COL6A1: variants seen among roughly 807,000 people sequenced by gnomAD.
COL6A1 encodes collagen type VI alpha 1 chain.
COL6A1 carries 80 observed loss-of-function variants against 145.6 expected under a neutral mutation model. The observed-to-expected ratio is 0.55, with a 90% CI of 0.46 to 0.66. The LOEUF is 0.66. Ranked by LOEUF, COL6A1 falls within the 30% of genes least tolerant of loss-of-function variation. COL6A1 has a pLI of 0.00. For synonymous variants in COL6A1, 638 were observed against 622.8 expected (o/e 1.02, Z -0.36); for missense variants, 1,364 against 1,473.8 (o/e 0.93, Z 1.22).
chr21:45,992,609 C>T, intron 18 of COL6A1, 139 bp from the exon 19 acceptor site: 12 of 1,060,758 alleles, frequency 1.1e-5, no homozygotes, highest in Non-Finnish European at 1.7e-5. Context: ...CCTCTGCAAC[C>T]GTGGGGCATG....
In COL6A1 at chr21:45,994,104, G is replaced by C; in HGVS notation, c.1336-63G>C. Reference sequence around the variant, plus strand: ...GACAGCATGCTGTGGCTCCCAGCGTGCCCGGGCAGCCATCCTCCCCAAGGA... The same window carrying C: ...GACAGCATGCTGTGGCTCCCAGCGTCCCCGGGCAGCCATCCTCCCCAAGGA... On this transcript the variant is annotated intron_variant, in intron 19 of 34. Transcript: ENST00000361866. This position sits in a 1 kb window ranked among gnomAD's most constrained non-coding sequence, Gnocchi z 6.8. 12 of 1,507,726 alleles carry C rather than the reference G, an allele frequency of 8.0e-6. No homozygotes were observed. The highest frequency in any genetic ancestry group is 1.1e-5 in the Non-Finnish European group (12 of 1,105,018). The allele number at this position is 1,507,726 out of a possible 1,614,324, so 93.4% of individuals were successfully genotyped here. A position where few individuals can be genotyped will look rare whatever the true frequency, so the allele number is the denominator to read the frequency against.
chr21:45,999,316 C>A, intron 26 of COL6A1, 98 bp downstream of exon 26: 1 of 1,244,846 alleles, frequency 8.0e-7, no homozygotes, highest in East Asian at 2.5e-5. Flanking sequence ...GAGTGGGAGG[C>A]GGCGGGAGGG....
Position 45,998,433 on chromosome 21 carries a change from C to T in COL6A1, c.1611C>T (p.Asn537=), listed in dbSNP as rs200023632. The change falls in exon 24 of 35, where the codon AAC becomes AAT. Residue 537 remains asparagine (N), a splice_region_variant and synonymous_variant. Transcript: ENST00000361866. ...YPGNRGAPGI[N]GTKGYPGLKG... ...GCAACAGGGGCGCTCCCGGGATAAA[C>T]GTGAGTACGCCCCCTCCTCCATCTG... 247 of 1,613,156 alleles carry T rather than the reference C, an allele frequency of 1.5e-4. No homozygotes were observed. Among genetic ancestry groups the T allele is most frequent in the Non-Finnish European group, 3.6e-5 (43 of 1,179,994 alleles).
intron 16 of COL6A1, 27 bp downstream of exon 16, chr21:45,992,099 T>C: frequency 1.2e-6 from 2 of 1,613,380 alleles, no homozygotes; most frequent in Non-Finnish European, 1.7e-6. Context: ...CCCCCACACA[T>C]GCCAGGTATG....
chr21:45,982,713 G>A lies in COL6A1; in HGVS notation c.177G>A (p.Val59=). 1 of 1,612,802 alleles carries A rather than the reference G, an allele frequency of 6.2e-7. No homozygotes were observed. The highest frequency in any genetic ancestry group is 8.5e-7 in the Non-Finnish European group (1 of 1,179,968). The change falls in exon 2 of 35, where the codon GTG becomes GTA. Residue 59 remains valine, a synonymous_variant. Transcript: ENST00000361866. ...ALRLKPYGAL[V]DKVKSFTKRF... Reference sequence around the variant, plus strand: ...GGCTGAAGCCCTACGGGGCCCTCGTGGACAAAGTCAAGTCCTTCACCAAGC... The same window carrying A: ...GGCTGAAGCCCTACGGGGCCCTCGTAGACAAAGTCAAGTCCTTCACCAAGC...
At position 46,002,644 on chromosome 21, in the gene COL6A1, A is replaced by G; in HGVS notation, c.2368A>G (p.Lys790Glu). The G allele has an allele frequency of 6.2e-7, 1 of 1,613,960 alleles. No homozygotes were observed. The highest frequency in any genetic ancestry group is 1.3e-5 in the African/African-American group (1 of 75,038). Residue 790 changes from lysine to glutamate, a missense_variant, in exon 33 of 35, where the codon AAG becomes GAG. Coordinates refer to ENST00000361866, the MANE Select transcript of COL6A1 (RefSeq NM_001848.3). ...GGGCCGGCCCGGCCTCTCGCTGGTC[A>G]AGGAGAACTATGCAGAGCTGCTGGA... ...SQGRPGLSLV[K>E]ENYAELLEDA...
chr21:45,994,183 A>T lies in COL6A1; in HGVS notation c.1352A>T (p.Gln451Leu). 1 of 1,605,342 alleles carries T rather than the reference A, an allele frequency of 6.2e-7. No homozygotes were observed. The highest frequency in any genetic ancestry group is 8.5e-7 in the Non-Finnish European group (1 of 1,176,894). The change falls in exon 20 of 35, where the codon CAG becomes CTG. Residue 451 changes from glutamine (Q) to leucine (L), a missense_variant. By Grantham distance (113) the Gln-to-Leu change is moderately radical (BLOSUM62 -2). Transcript: ENST00000361866. The surrounding 1 kb of genome is among the most constrained non-coding windows in gnomAD (Gnocchi z 6.8). ...TCTCTTCAGGGTGAAGCTGGCCCGC[A>T]GGGTGATCAGGGAAGAGAAGGCCCC... ...PRGDPGEAGPQGDQGREGPVG... is the reference protein window; with the variant it reads ...PRGDPGEAGPLGDQGREGPVG...
intron 34 of COL6A1, 27 bp from the exon 35 acceptor site, chr21:46,003,364 C>G: frequency 6.3e-7 from 1 of 1,599,990 alleles, no homozygotes; most frequent in South Asian, 1.1e-5. Flanking sequence ...GGGCCTCATG[C>G]TAACGGCTGC....
rs144358858 is a variant in COL6A1 at position 45,999,186 on chromosome 21, G to A, written c.1708G>A (p.Ala570Thr). ...CATTGCACCCCGAGGAGTCAAAGGAGCAAAGGGGTACCGGGGTCCCGAGGG... is the reference window on the plus strand; with the variant it reads ...CATTGCACCCCGAGGAGTCAAAGGAACAAAGGGGTACCGGGGTCCCGAGGG... ...NDIAPRGVKG[A>T]KGYRGPEGPQ... The change falls in exon 26 of 35, where the codon GCA becomes ACA. Residue 570 changes from alanine to threonine, a missense_variant. Ala to Thr is a moderately conservative substitution (Grantham distance 58). Around this residue, in one of 3 missense-constraint regions of COL6A1, gnomAD observed 938 missense variants for 1,003.8 expected, o/e 0.93. Coordinates refer to ENST00000361866, the MANE Select transcript of COL6A1 (RefSeq NM_001848.3). 1.1e-4 allele frequency: 178 copies of A among 1,603,046 alleles called. No homozygotes were observed. In the African/African-American group the frequency reaches 2.2e-3, roughly 20 times the overall value.
At position 46,003,166 on chromosome 21, in the gene COL6A1, C is replaced by T; in HGVS notation, c.2464+17C>T. On this transcript the variant is annotated intron_variant, in intron 34 of 34. Transcript: ENST00000361866. ...CCTGCCCCAGTGAGTACCTCGGCGGCCGGGACACGTGGGGAGGAGGGCACC... is the reference window on the plus strand; with the variant it reads ...CCTGCCCCAGTGAGTACCTCGGCGGTCGGGACACGTGGGGAGGAGGGCACC... 1 of 1,613,990 alleles carries T rather than the reference C, an allele frequency of 6.2e-7. No homozygotes were observed. Among genetic ancestry groups the T allele is most frequent in the Middle Eastern group, 1.6e-4 (1 of 6,062 alleles).
Position 45,997,469 on chromosome 21 carries a change from C to A in COL6A1, c.1447C>A (p.Pro483Thr), listed in dbSNP as rs756017426. Residue 483 changes from proline (P) to threonine (T), a missense_variant, in exon 21 of 35, where the codon CCC becomes ACC. Coordinates refer to ENST00000361866, the MANE Select transcript of COL6A1 (RefSeq NM_001848.3). Reference protein sequence around the residue: ...GPKGYRGDEGPPGSEGARGAP... With the variant: ...GPKGYRGDEGTPGSEGARGAP... Reference sequence around the variant, plus strand: ...TAAAGGCTACCGAGGCGATGAGGGTCCCCCAGGGTCCGAGGTGAGTCCCAC... The same window carrying A: ...TAAAGGCTACCGAGGCGATGAGGGTACCCCAGGGTCCGAGGTGAGTCCCAC... The A allele has an allele frequency of 1.9e-6, 3 of 1,611,870 alleles. No individual in the cohort carries two copies. Among genetic ancestry groups the A allele is most frequent in the African/African-American group, 2.7e-5 (2 of 74,594 alleles).
chr21:45,985,373 CACAGACAGAG>C (rs879722189), intron 3 of COL6A1, among the ~76,000 whole-genome samples: 15 of 144,296 alleles, frequency 1.0e-4, no homozygotes, highest in Non-Finnish European at 1.6e-4. Context: ...GAGAGAGAAG[CACAGACAGAG>C]ACAGACAGAG....
In COL6A1 at chr21:45,986,633, C is replaced by T; in HGVS notation, c.536C>T (p.Ala179Val). 1 of 1,553,610 alleles carries T rather than the reference C, an allele frequency of 6.4e-7. No individual in the cohort carries two copies. Among genetic ancestry groups the T allele is most frequent in the Non-Finnish European group, 8.7e-7 (1 of 1,148,722 alleles). Residue 179 changes from alanine to valine, a missense_variant, in exon 4 of 35, where the codon GCC (alanine) becomes GTC (valine). Transcript: ENST00000361866. ...GGGCTGGAGGATGCTGTGAACGAGG[C>T]CAAGCACCTGGGCGTCAAAGTCTTC... ...CGGLEDAVNEAKHLGVKVFSV... is the reference protein window; with the variant it reads ...CGGLEDAVNEVKHLGVKVFSV...
At chr21:45,992,331 C>T (rs757429094) in intron 17 of COL6A1, 32 bp from the exon 18 acceptor site, 1 of 1,613,854 alleles carries the variant, frequency 6.2e-7, no homozygotes, top group South Asian at 1.1e-5. Context: ...GTCCACCAGA[C>T]TAACGCCGGC....
chr21:45,989,656 C>A lies in COL6A1; in HGVS notation c.903+4C>A. 3 of 1,613,152 alleles carry A rather than the reference C, an allele frequency of 1.9e-6. No homozygotes were observed. Among genetic ancestry groups the A allele is most frequent in the Non-Finnish European group, 2.5e-6 (3 of 1,179,988 alleles). ...TGTTGGGTACCAGGGAATGAAGGTA[C>A]GTGCCCCCCCTTTCCTGGCCCGAGC... is the stretch of plus-strand genomic sequence containing the variant. On this transcript the variant is annotated splice_donor_region_variant and intron_variant, in intron 10 of 34. Transcript: ENST00000361866.
Position 46,003,169 on chromosome 21 carries a change from G to C in COL6A1, c.2464+20G>C. On this transcript the variant is annotated intron_variant, in intron 34 of 34. Transcript: ENST00000361866. ...GCCCCAGTGAGTACCTCGGCGGCCG[G>C]GACACGTGGGGAGGAGGGCACCGTG... 1.6e-5 allele frequency: 26 copies of C among 1,614,002 alleles called. No individual in the cohort carries two copies. Among genetic ancestry groups the C allele is most frequent in the Non-Finnish European group, 2.2e-5 (26 of 1,179,964 alleles).
intron 27 of COL6A1, among the ~76,000 whole-genome samples, 199 bp from the exon 28 acceptor site, chr21:46,000,132 C>T (rs2077834880): frequency 6.7e-6 from 1 of 149,236 alleles, no homozygotes; most frequent in African/African-American, 2.5e-5. Context: ...CATGACTGCG[C>T]TGTTTCTATG....
rs538658523 is a variant in COL6A1 at position 45,992,535 on chromosome 21, C to T, written c.1272+137C>T. 927 of 1,159,964 alleles carry T rather than the reference C, an allele frequency of 8.0e-4. 7 individuals carry two copies. Among genetic ancestry groups the T allele is most frequent in the South Asian group, 6.5e-3 (448 of 68,700 alleles). The allele number at this position is 1,159,964 out of a possible 1,614,324, so 71.9% of individuals were successfully genotyped here. On this transcript the variant is annotated intron_variant, in intron 18 of 34. Coordinates refer to ENST00000361866, the MANE Select transcript of COL6A1 (RefSeq NM_001848.3). ...AGACAAATGGGTTTCTTCACCCACA[C>T]GTCCAGGATGCCTCTTCCCACAGTC...
At chr21:45,995,515 C>T (rs1028946074) in intron 20 of COL6A1, among the ~76,000 whole-genome samples, 1 of 152,218 alleles carries the variant, frequency 6.6e-6, no homozygotes, top group African/African-American at 2.4e-5. Flanking sequence ...GTTCAGAGGC[C>T]AGGACTTGCT....
Sources: gnomAD v4.1 joint callset for allele counts (sites outside exome capture counted in the v4.1 genomes callset) on GRCh38, gnomAD v4.1.1 for gene constraint, gnomAD v4.1.1 regional missense constraint, Gnocchi (gnomAD v3.1) non-coding constraint, MANE v1.5 for transcripts, NCBI Gene and HGNC (gene_info 2026-07-23, HGNC 2026-07-21) for gene names.